Variants in GNPTAB observed in about 807,000 individuals in gnomAD.
The protein encoded by GNPTAB is N-acetylglucosamine-1-phosphate transferase subunits alpha and beta.
In GNPTAB, 92 loss-of-function variants were observed where a neutral mutation model predicts 136.6. The observed-to-expected ratio is 0.67, with a 90% CI of 0.57 to 0.80. The LOEUF is 0.80. Ranked by LOEUF, GNPTAB falls within the 30% of genes least tolerant of loss-of-function variation. The pLI is 0.00. For synonymous variants in GNPTAB, 512 were observed against 535.1 expected (o/e 0.96, Z 0.60); for missense variants, 1,343 against 1,501.8 (o/e 0.89, Z 1.75).
rs1953168565 is a variant in GNPTAB at position 101,771,164 on chromosome 12, A to G, written c.772-7T>C. On this transcript the variant is annotated splice_polypyrimidine_tract_variant and splice_region_variant and intron_variant, in intron 7 of 20. Transcript: ENST00000299314. ...CCTCTGAATACAACTGCAACTATCA[A>G]ATAACAAGAGGATTACACATGAAAA... 2 of 1,611,558 alleles carry G rather than the reference A, an allele frequency of 1.2e-6. No individual in the cohort carries two copies. Among genetic ancestry groups the G allele is most frequent in the Non-Finnish European group, 1.7e-6 (2 of 1,177,698 alleles).
intron 1 of GNPTAB, among the ~76,000 whole-genome samples, chr12:101,814,191 G>A (rs968703015): frequency 4.6e-5 from 7 of 151,584 alleles, no homozygotes; most frequent in Non-Finnish European, 2.9e-5. Flanking sequence ...CCCAGCTACC[G>A]GTGAGGCTCG....
At chr12:101,754,439 T>TAA (rs200343344) in intron 18 of GNPTAB, among the ~76,000 whole-genome samples, 4 of 141,666 alleles carry the variant, frequency 2.8e-5, no homozygotes, top group African/African-American at 1.0e-4. Flanking sequence ...TCAAAAAGAT[T>TAA]AAAAAAAAAA....
In GNPTAB at chr12:101,747,162, T is replaced by G. The variant is rs1594197415; in HGVS notation, c.*2A>C. ...GGTAGATGGTTTTCAAATGAAGATC[T>G]TCTATACTCTGATTCGATTGGGACT... On this transcript the variant is annotated 3_prime_UTR_variant, in exon 21 of 21. Coordinates refer to ENST00000299314, the MANE Select transcript of GNPTAB (RefSeq NM_024312.5). 6.5e-7 allele frequency: 1 copy of G among 1,530,770 alleles called. No individual in the cohort carries two copies. Among genetic ancestry groups the G allele is most frequent in the East Asian group, 2.2e-5 (1 of 44,452 alleles). The allele number at this position is 1,530,770 out of a possible 1,614,324, so 94.8% of individuals were successfully genotyped here.
intron 5 of GNPTAB, among the ~76,000 whole-genome samples, chr12:101,783,895 T>C (rs1281034329): frequency 1.3e-5 from 2 of 151,916 alleles, no homozygotes; most frequent in Non-Finnish European, 2.9e-5. Flanking sequence ...TTGTTTTTTT[T>C]TTTGTAGAGA....
chr12:101,757,742 C>G (rs1411410318), intron 16 of GNPTAB, 85 bp from the exon 17 acceptor site: 2 of 774,556 alleles, frequency 2.6e-6, no homozygotes, highest in Non-Finnish European at 4.7e-6. Context: ...TGATTTTTAA[C>G]TTTGATTCTA....
chr12:101,813,705 A>C (rs1300270890), intron 1 of GNPTAB, among the ~76,000 whole-genome samples: 1 of 152,198 alleles, frequency 6.6e-6, no homozygotes, highest in Non-Finnish European at 1.5e-5. Flanking sequence ...ACCTCTAAAA[A>C]TTATTGAGGA....
chr12:101,802,199 T>TAAAAAAA (rs112485347), intron 1 of GNPTAB, among the ~76,000 whole-genome samples: 1 of 108,202 alleles, frequency 9.2e-6, no homozygotes, highest in African/African-American at 3.5e-5. Context: ...CCCTGTCTCT[T>TAAAAAAA]AAAAAAAAAA....
rs761049945 is a variant in GNPTAB, at chr12:101,764,787, A to G, written c.2130T>C (p.Ser710=). Residue 710 remains serine, a synonymous_variant, in exon 13 of 21, where the codon AGT becomes AGC. Coordinates refer to ENST00000299314, the MANE Select transcript of GNPTAB (RefSeq NM_024312.5). ...ISLLPKDAQL[S]LNTLDLQLEH... ...CCAGTTGCAAATCCAAGGTATTGAGACTCAACTGGGCGTCTTTTGGAAGGA... is the reference window on the plus strand; with the variant it reads ...CCAGTTGCAAATCCAAGGTATTGAGGCTCAACTGGGCGTCTTTTGGAAGGA... 5.6e-6 allele frequency: 9 copies of G among 1,613,984 alleles called. No homozygotes were observed. Among genetic ancestry groups the G allele is most frequent in the Non-Finnish European group, 6.8e-6 (8 of 1,180,022 alleles).
rs145586576 is a variant in GNPTAB at position 101,766,274 on chromosome 12, A to G, written c.1429T>C (p.Tyr477His). Reference sequence around the variant, plus strand: ...CCAGTACCTCCACCTCCTGCAATATAGCGACTCCCTCCACTGTTTCCTGTA... The same window carrying G: ...CCAGTACCTCCACCTCCTGCAATATGGCGACTCCCTCCACTGTTTCCTGTA... ...DCSGNSGGSR[Y>H]IAGGGGTGSI... The change falls in exon 12 of 21, where the codon TAT becomes CAT. Residue 477 changes from tyrosine (Y) to histidine (H), a missense_variant. Coordinates refer to ENST00000299314, the MANE Select transcript of GNPTAB (RefSeq NM_024312.5). The G allele has an allele frequency of 1.1e-5, 18 of 1,613,550 alleles. No individual in the cohort carries two copies. The highest frequency in any genetic ancestry group is 1.5e-5 in the Non-Finnish European group (18 of 1,179,712).
At chr12:101,764,159 C>T (rs775350290) in intron 13 of GNPTAB, 43 bp downstream of exon 13, 35 of 1,612,520 alleles carry the variant, frequency 2.2e-5, no homozygotes, top group Middle Eastern at 3.3e-4. Context: ...AGATTATTTA[C>T]TCTTCCTGAG....
At position 101,770,434 on chromosome 12, in the gene GNPTAB, T is replaced by C. The variant is rs376023559; in HGVS notation, c.1085A>G (p.Asn362Ser). The C allele has an allele frequency of 1.3e-5, 21 of 1,613,624 alleles. No homozygotes were observed. The African/African-American group carries it at 2.1e-4, about 16-fold the overall frequency. Residue 362 changes from asparagine (N) to serine (S), a missense_variant, in exon 9 of 21, where the codon AAT becomes AGT. Asn to Ser is a conservative substitution (Grantham distance 46). Coordinates refer to ENST00000299314, the MANE Select transcript of GNPTAB (RefSeq NM_024312.5). ...GTGTGTTACTATTGTCACTCGAGGA[T>C]TGTCAAGGTTCAGCCAGGATGGAAT... ...GQIPSWLNLD[N>S]PRVTIVTHQD...
intron 1 of GNPTAB, among the ~76,000 whole-genome samples, chr12:101,799,589 C>G (rs1188238815): frequency 6.6e-6 from 1 of 152,166 alleles, no homozygotes; most frequent in Non-Finnish European, 1.5e-5. Context: ...TGCTGCTAAC[C>G]CCCAAGGCTT....
At chr12:101,759,585 A>T (rs904275782) in intron 16 of GNPTAB, among the ~76,000 whole-genome samples, 2 of 152,206 alleles carry the variant, frequency 1.3e-5, no homozygotes, top group Non-Finnish European at 1.5e-5. Context: ...CAATTATTTC[A>T]GCCAAATGAC....
At chr12:101,789,915 G>A (rs776972107) in intron 3 of GNPTAB, 23 bp downstream of exon 3, 16 of 1,610,196 alleles carry the variant, frequency 9.9e-6, no homozygotes, top group African/African-American at 1.3e-5. Context: ...CCCATCTGAT[G>A]TGAAAAAAAA....
intron 1 of GNPTAB, among the ~76,000 whole-genome samples, chr12:101,800,759 C>G (rs1869573524): frequency 1.3e-5 from 2 of 151,942 alleles, no homozygotes. Context: ...ACCTGGGTGA[C>G]AGAGTGAGAC....
rs560299891 is a variant in GNPTAB, at chr12:101,780,030, A to C, written c.771+122T>G. Reference sequence around the variant, plus strand: ...AGTGAGGCTCTTCTGGCAGAACAGAATCCCTCTTTGCTTCTTATGTTTATC... The same window carrying C: ...AGTGAGGCTCTTCTGGCAGAACAGACTCCCTCTTTGCTTCTTATGTTTATC... On this transcript the variant is annotated intron_variant, in intron 7 of 20. Transcript: ENST00000299314. 5.2e-6 allele frequency: 5 copies of C among 969,180 alleles called. No individual in the cohort carries two copies. In the East Asian group the frequency reaches 1.2e-4, roughly 23 times the overall value. 60.0% of individuals were successfully genotyped at this position (969,180 alleles called of 1,614,324 possible). A position where few individuals can be genotyped will look rare whatever the true frequency, so the allele number is the denominator to read the frequency against.
intron 4 of GNPTAB, 34 bp downstream of exon 4, chr12:101,788,514 C>CT: frequency 7.8e-7 from 1 of 1,287,980 alleles, no homozygotes; most frequent in Non-Finnish European, 1.1e-6. Context: ...CAATCCTTCA[C>CT]TTTTTACTCT....
At chr12:101,815,824 C>T (rs530052786) in intron 1 of GNPTAB, among the ~76,000 whole-genome samples, 65 of 152,236 alleles carry the variant, frequency 4.3e-4, no homozygotes, top group African/African-American at 1.4e-3. Flanking sequence ...GAAACTAAAA[C>T]GGCATGGTGC....
chr12:101,789,722 G>A (rs547395341), intron 3 of GNPTAB, among the ~76,000 whole-genome samples: 1 of 152,232 alleles, frequency 6.6e-6, no homozygotes, highest in East Asian at 1.9e-4. Context: ...GGCCTCAAGT[G>A]ATCCTCCCAC....
Sources: allele counts gnomAD v4.1 joint callset (sites outside exome capture counted in the v4.1 genomes callset), GRCh38; gene constraint gnomAD v4.1.1; transcripts MANE v1.5; gene names NCBI Gene and HGNC (gene_info 2026-07-23, HGNC 2026-07-21).